The following NOLC1 variants were observed in gnomAD, a reference collection of about 807,000 sequenced individuals.
The protein encoded by NOLC1 is nucleolar and coiled-body phosphoprotein 1.
A neutral mutation model predicts 73.4 loss-of-function variants in NOLC1; 37 were observed. The observed-to-expected ratio is 0.50, with a 90% CI of 0.39 to 0.66. NOLC1 has a LOEUF of 0.66. Among genes scored for constraint, NOLC1 ranks in the 30% least tolerant of loss-of-function variants. The pLI is 0.00. For missense variants in NOLC1, 921 were observed against 838.9 expected (o/e 1.10, Z -1.21); for synonymous variants, 327 against 302.6 (o/e 1.08, Z -0.84).
At chr10:102,154,887 A>C (rs2069564842) in intron 1 of NOLC1, among the ~76,000 whole-genome samples, 1 of 150,124 alleles carries the variant, frequency 6.7e-6, no homozygotes. Flanking sequence ...AGAGGGTCTC[A>C]CTCTGTCGCC....
At chr10:102,159,613 C>G (rs751309128) in intron 7 of NOLC1, 45 bp downstream of exon 7, 1 of 1,587,696 alleles carries the variant, frequency 6.3e-7, no homozygotes, top group East Asian at 2.3e-5. Context: ...TGGTCAGGGC[C>G]CAGCTGCAGT....
chr10:102,153,376 G>A (rs547276413), intron 1 of NOLC1, among the ~76,000 whole-genome samples: 184 of 152,336 alleles, frequency 1.2e-3, no homozygotes, highest in Non-Finnish European at 2.0e-3. Context: ...AATGTGAAAG[G>A]TTTGTAATCT....
In NOLC1 at chr10:102,162,318, C is replaced by G. The variant is rs368900320; in HGVS notation, c.*49C>G. The G allele has an allele frequency of 1.9e-6, 3 of 1,592,052 alleles. No homozygotes were observed. The African/African-American group carries it at 4.0e-5, about 21-fold the overall frequency. The stretch of plus-strand genomic sequence containing the variant: ...AAGGGTGATGATCGGAGACTACTTA[C>G]TTTCTCCAGTGGACCTGGGAACCCT... On this transcript the variant is annotated 3_prime_UTR_variant, in exon 13 of 13. Coordinates refer to ENST00000605788, the MANE Select transcript of NOLC1 (RefSeq NM_004741.5).
chr10:102,156,640 G>A (rs2069600091), intron 1 of NOLC1, among the ~76,000 whole-genome samples: 1 of 152,008 alleles, frequency 6.6e-6, no homozygotes, highest in Admixed American at 6.6e-5. Context: ...TCACCATGTT[G>A]GCCAGGCTGG....
Position 102,159,881 on chromosome 10 carries a change from A to G in NOLC1, c.860-15A>G. ...AGACATATCCTAAAACCATCACACT[A>G]TCCTTTTTAAACAGGTCCCTACAGT... On this transcript the variant is annotated splice_polypyrimidine_tract_variant and intron_variant, in intron 7 of 12. Coordinates refer to ENST00000605788, the MANE Select transcript of NOLC1 (RefSeq NM_004741.5). 1.3e-6 allele frequency: 2 copies of G among 1,534,846 alleles called. No individual in the cohort carries two copies. The highest frequency in any genetic ancestry group is 1.7e-4 in the Middle Eastern group (1 of 5,736).
At chr10:102,158,439 T>A (rs532452895) in intron 5 of NOLC1, among the ~76,000 whole-genome samples, 10 of 152,372 alleles carry the variant, frequency 6.6e-5, no homozygotes, top group African/African-American at 2.4e-4. Flanking sequence ...GTATTTTTTT[T>A]AATGGTATCC....
chr10:102,162,163 C>T lies in NOLC1; in HGVS notation c.1994C>T (p.Thr665Ile). The change falls in exon 13 of 13, where the codon ACC becomes ATC. Residue 665 changes from threonine to isoleucine, a missense_variant. Thr to Ile is a moderately conservative substitution (Grantham distance 89, BLOSUM62 -1). Coordinates refer to ENST00000605788, the MANE Select transcript of NOLC1 (RefSeq NM_004741.5). ...GERANQVLKFTKGKSFRHEKT... is the reference protein window; with the variant it reads ...GERANQVLKFIKGKSFRHEKT... ...CGAGCCAATCAGGTTTTGAAGTTCA[C>T]CAAAGGCAAGTCCTTTCGGCATGAG... The T allele has an allele frequency of 6.2e-7, 1 of 1,614,124 alleles. No homozygotes were observed. The highest frequency in any genetic ancestry group is 8.5e-7 in the Non-Finnish European group (1 of 1,180,040).
rs747483717 is a variant in NOLC1 at position 102,159,904 on chromosome 10, A to G, written c.868A>G (p.Ser290Gly). The change falls in exon 8 of 13, where the codon AGT (serine) becomes GGT (glycine). Residue 290 changes from serine to glycine, a missense_variant. Ser to Gly is a moderately conservative substitution (Grantham distance 56). Transcript: ENST00000605788. ...CTATCCTTTTTAAACAGGTCCCTACAGTTCAGTCCCCCCGCCTTCTGCTCC... is the reference window on the plus strand; with the variant it reads ...CTATCCTTTTTAAACAGGTCCCTACGGTTCAGTCCCCCCGCCTTCTGCTCC... ...KPMKNKPGPYSSVPPPSAPPP... is the reference protein window; with the variant it reads ...KPMKNKPGPYGSVPPPSAPPP... The G allele has an allele frequency of 6.9e-6, 11 of 1,590,078 alleles. No homozygotes were observed. The highest frequency in any genetic ancestry group is 8.5e-6 in the Non-Finnish European group (10 of 1,169,630).
rs752912315 is a variant in NOLC1, at chr10:102,160,189, G to T, written c.989-44G>T. The T allele has an allele frequency of 2.5e-6, 4 of 1,599,876 alleles. No individual in the cohort carries two copies. In the South Asian group the frequency reaches 4.4e-5, roughly 18 times the overall value. On this transcript the variant is annotated intron_variant, in intron 8 of 12. Coordinates refer to ENST00000605788, the MANE Select transcript of NOLC1 (RefSeq NM_004741.5). ...ATTCTTTTTATTGCTGTCCTGGTTG[G>T]GTTGGGACTCTGGACCCAGCATAAT... is the stretch of plus-strand genomic sequence containing the variant.
intron 8 of NOLC1, 52 bp downstream of exon 8, chr10:102,160,076 G>T: frequency 1.9e-6 from 3 of 1,598,598 alleles, no homozygotes; most frequent in Non-Finnish European, 2.6e-6. Flanking sequence ...AGGAGGGGAT[G>T]AGGAATAAGG....
chr10:102,161,708 G>T, intron 11 of NOLC1, 46 bp downstream of exon 11: 1 of 1,571,182 alleles, frequency 6.4e-7, no homozygotes, highest in Non-Finnish European at 8.7e-7. Flanking sequence ...TTTAAAAGTA[G>T]AAAAATCTAG....
In NOLC1 at chr10:102,161,600, G is replaced by T; in HGVS notation, c.1786G>T (p.Glu596Ter). The T allele has an allele frequency of 6.2e-7, 1 of 1,614,102 alleles. No homozygotes were observed. The highest frequency in any genetic ancestry group is 8.5e-7 in the Non-Finnish European group (1 of 1,179,986). ...RKQNEAAKEAETPQAKKIKLQ... is the reference protein window; with the variant it reads ...RKQNEAAKEA Reference sequence around the variant, plus strand: ...GCAGAATGAGGCTGCCAAGGAGGCAGAGACTCCTCAGGCCAAGAAGATAAA... The same window carrying T: ...GCAGAATGAGGCTGCCAAGGAGGCATAGACTCCTCAGGCCAAGAAGATAAA... The change falls in exon 11 of 13, where the codon GAG (glutamate) becomes TAG (stop). Residue 596 changes from glutamate to a stop codon, truncating the protein, a stop_gained. Coordinates refer to ENST00000605788, the MANE Select transcript of NOLC1 (RefSeq NM_004741.5). LOFTEE classifies it high-confidence loss of function.
chr10:102,156,235 A>G (rs1477819429), intron 1 of NOLC1, among the ~76,000 whole-genome samples: 1 of 152,216 alleles, frequency 6.6e-6, no homozygotes, highest in Non-Finnish European at 1.5e-5. Context: ...GGATAAGATT[A>G]CATTCTTAGA....
In NOLC1 at chr10:102,162,396, A is replaced by G; in HGVS notation, c.*127A>G. 1.1e-6 allele frequency: 1 copy of G among 930,326 alleles called. No homozygotes were observed. Among genetic ancestry groups the G allele is most frequent in the Non-Finnish European group, 1.6e-6 (1 of 617,228 alleles). The allele number at this position is 930,326 out of a possible 1,614,324, so 57.6% of individuals were successfully genotyped here. A position where few individuals can be genotyped will look rare whatever the true frequency, so the allele number is the denominator to read the frequency against. On this transcript the variant is annotated 3_prime_UTR_variant, in exon 13 of 13. Coordinates refer to ENST00000605788, the MANE Select transcript of NOLC1 (RefSeq NM_004741.5). ...GGACAGAAGTTTAGAGTAGGTCCTA[A>G]GACTTTACAGTGTAACATCCTCTCT...
chr10:102,160,930 T>G lies in NOLC1; in HGVS notation c.1578T>G (p.Ser526Arg). The part of the protein sequence containing the change: ...SSNSSSSDDS[S>R]EEEEEKLKGK... ...ACAGTTCTTCTTCTGATGACTCCAGTGAGGAAGAGGAAGAGAAGCTCAAGG... is the reference window on the plus strand; with the variant it reads ...ACAGTTCTTCTTCTGATGACTCCAGGGAGGAAGAGGAAGAGAAGCTCAAGG... Residue 526 changes from serine (S) to arginine (R), a missense_variant, in exon 10 of 13, where the codon AGT (serine) becomes AGG (arginine). Coordinates refer to ENST00000605788, the MANE Select transcript of NOLC1 (RefSeq NM_004741.5). The G allele has an allele frequency of 6.2e-7, 1 of 1,613,872 alleles. No individual in the cohort carries two copies.
intron 5 of NOLC1, 143 bp downstream of exon 5, chr10:102,158,357 G>T: frequency 1.9e-6 from 1 of 530,710 alleles, no homozygotes. Context: ...AATTTTAAAG[G>T]TTTTACTAAT....
chr10:102,160,623 G>A lies in NOLC1; in HGVS notation c.1271G>A (p.Ser424Asn). The A allele has an allele frequency of 6.2e-7, 1 of 1,614,190 alleles. No homozygotes were observed. The highest frequency in any genetic ancestry group is 8.5e-7 in the Non-Finnish European group (1 of 1,180,000). The change falls in exon 10 of 13, where the codon AGC becomes AAC. Residue 424 changes from serine (S) to asparagine (N), a missense_variant. Coordinates refer to ENST00000605788, the MANE Select transcript of NOLC1 (RefSeq NM_004741.5). Reference protein sequence around the residue: ...QKLLTRKADSSSSEEESSSSE... With the variant: ...QKLLTRKADSNSSEEESSSSE... ...CTTCTGACGAGAAAGGCTGACAGCA[G>A]CTCCAGTGAGGAAGAGAGCAGCTCC...
intron 7 of NOLC1, 70 bp from the exon 8 acceptor site, chr10:102,159,826 C>A (rs1454220667): frequency 1.4e-6 from 2 of 1,412,138 alleles, no homozygotes; most frequent in Non-Finnish European, 1.9e-6. Flanking sequence ...AGCTTCATTT[C>A]TACAAGAAAG....
rs748849419 is a variant in NOLC1, at chr10:102,159,311, C to T, written c.723+3C>T. 5.0e-6 allele frequency: 8 copies of T among 1,614,052 alleles called. No individual in the cohort carries two copies. The highest frequency in any genetic ancestry group is 4.2e-6 in the Non-Finnish European group (5 of 1,179,966). ...AGGCAGCAGCCACCCCCAAGAAGGTCTGGACCATAACTTCTGTCAGGGCAG... is the reference window on the plus strand; with the variant it reads ...AGGCAGCAGCCACCCCCAAGAAGGTTTGGACCATAACTTCTGTCAGGGCAG... On this transcript the variant is annotated splice_donor_region_variant and intron_variant, in intron 6 of 12. Coordinates refer to ENST00000605788, the MANE Select transcript of NOLC1 (RefSeq NM_004741.5).
Sources: gnomAD v4.1 joint callset for allele counts (sites outside exome capture counted in the v4.1 genomes callset) on GRCh38, gnomAD v4.1.1 for gene constraint, MANE v1.5 for transcripts, NCBI Gene and HGNC (gene_info 2026-07-23, HGNC 2026-07-21) for gene names.